The following LPA variants were observed in gnomAD, a reference collection of about 807,000 sequenced individuals.
LPA encodes the protein apolipoprotein(a).
In LPA, 199 loss-of-function variants were observed where a neutral mutation model predicts 197.9. That is an observed-to-expected ratio of 1.01 (90% confidence interval 0.90 to 1.13). The LOEUF is 1.13. Among genes scored for constraint, LPA ranks in the 50% most tolerant of loss-of-function variants. The pLI is 0.00. For synonymous variants in LPA, 715 were observed against 639.5 expected, an observed-to-expected ratio of 1.12 and a Z score of -1.78; for missense variants, 1,853 against 1,785.8, an observed-to-expected ratio of 1.04 and a Z score of -0.68.
At chr6:160,545,636 G>GGAGC (rs1778057049) in intron 32 of LPA, 103 bp from the exon 33 acceptor site, 7 of 770,932 alleles carry the variant, frequency 9.1e-6, no homozygotes, top group Non-Finnish European at 9.4e-6. Flanking sequence ...AAGACAAAAG[G>GGAGC]GAGCGTTCCT....
intron 30 of LPA, among the ~76,000 whole-genome samples, chr6:160,551,923 T>TTC (rs1778172912): frequency 6.6e-6 from 1 of 151,506 alleles, no homozygotes; most frequent in African/African-American, 2.4e-5. Flanking sequence ...CTTTTTTTTT[T>TTC]TTTTTTTTGA....
rs564413529 is a variant in LPA, at chr6:160,652,852, G to GA, written c.50-2356dup. Among the ~76,000 whole-genome samples the GA allele has an allele frequency of 8.6e-4, 130 of 151,910 alleles. 1 individual carries two copies. Among genetic ancestry groups the GA allele is most frequent in the Non-Finnish European group, 1.2e-3 (80 of 67,890 alleles). On this transcript the variant is annotated intron_variant, in intron 1 of 38. Transcript: ENST00000316300. ...ATTCTGTCATTTGAAGGTGGAATGTGAAAAAATCAAAGTATATATTATAAA... is the reference window on the plus strand; with the variant it reads ...ATTCTGTCATTTGAAGGTGGAATGTGAAAAAAATCAAAGTATATATTATAAA...
Position 160,589,691 on chromosome 6 carries a change from G to C in LPA, c.3809C>G (p.Thr1270Arg), listed in dbSNP as rs1220471720. 1 of 1,613,884 alleles carries C rather than the reference G, an allele frequency of 6.2e-7. No individual in the cohort carries two copies. Among genetic ancestry groups the C allele is most frequent in the South Asian group, 1.1e-5 (1 of 91,082 alleles). ...ATCACCATGGTAGCAGTCCTGGACT[G>C]TGGGGCTTTGCTCCGTTGGTGCTGA... Reference protein sequence around the residue: ...SEQAPTEQSPTVQDCYHGDGQ... With the variant: ...SEQAPTEQSPRVQDCYHGDGQ... Residue 1270 changes from threonine (T) to arginine (R), a missense_variant, in exon 24 of 39, where the codon ACA (threonine) becomes AGA (arginine). By Grantham distance (71) the Thr-to-Arg change is moderately conservative. This residue lies in a region of LPA where 1,737 missense variants were observed against 1,504.4 expected (regional missense o/e 1.15). Transcript: ENST00000316300.
intron 28 of LPA, among the ~76,000 whole-genome samples, chr6:160,566,140 A>C (rs527851436): frequency 6.6e-6 from 1 of 152,308 alleles, no homozygotes; most frequent in South Asian, 2.1e-4. Flanking sequence ...TCCCCAACCT[A>C]CAAAGGCAGG....
chr6:160,598,246 G>A (rs993958060), intron 20 of LPA, among the ~76,000 whole-genome samples: 1 of 152,096 alleles, frequency 6.6e-6, no homozygotes, highest in Non-Finnish European at 1.5e-5. Flanking sequence ...AATCTTCTAT[G>A]CAAGTGCTGC....
intron 37 of LPA, among the ~76,000 whole-genome samples, chr6:160,535,803 A>G (rs912114602): frequency 2.6e-5 from 4 of 152,050 alleles, no homozygotes; most frequent in African/African-American, 9.7e-5. Flanking sequence ...GCTAAAAGAG[A>G]TTAAATAACT....
chr6:160,661,709 A>T (rs1021098948), intron 1 of LPA, among the ~76,000 whole-genome samples: 2 of 152,184 alleles, frequency 1.3e-5, no homozygotes, highest in African/African-American at 4.8e-5. Context: ...CACTTGATAG[A>T]TATATCAAAA....
Position 160,606,549 on chromosome 6 carries a change from C to A in LPA, c.2713G>T (p.Asp905Tyr), listed in dbSNP as rs1447254080. 1 of 1,613,814 alleles carries A rather than the reference C, an allele frequency of 6.2e-7. No individual in the cohort carries two copies. Among genetic ancestry groups the A allele is most frequent in the South Asian group, 1.1e-5 (1 of 91,064 alleles). ...GGCGCGACGGCAGTCCCTTCTGCGT[C>A]TGAGCATTGTGTCAGGTTGCAGTAC... ...WEYCNLTQCS[D>Y]AEGTAVAPPT... Residue 905 changes from aspartate to tyrosine, a missense_variant, in exon 17 of 39, where the codon GAC becomes TAC. Asp to Tyr is a radical substitution (Grantham distance 160). This residue lies in a region of LPA where 1,737 missense variants were observed against 1,504.4 expected (regional missense o/e 1.15). Coordinates refer to ENST00000316300, the MANE Select transcript of LPA (RefSeq NM_005577.4).
chr6:160,663,795 C>A (rs998875883), intron 1 of LPA, among the ~76,000 whole-genome samples: 1 of 152,212 alleles, frequency 6.6e-6, no homozygotes, highest in Non-Finnish European at 1.5e-5. Flanking sequence ...GTGAGGGGAG[C>A]ATGGCACCTG....
At chr6:160,604,658 A>G (rs1031493979) in intron 18 of LPA, among the ~76,000 whole-genome samples, 8 of 152,300 alleles carry the variant, frequency 5.3e-5, no homozygotes, top group African/African-American at 1.9e-4. Context: ...CTTGTAAGCC[A>G]AAACAGAAAA....
chr6:160,601,080 G>A lies in LPA; in HGVS notation c.2964C>T (p.Tyr988=). 6.2e-7 allele frequency: 1 copy of A among 1,614,092 alleles called. No homozygotes were observed. The highest frequency in any genetic ancestry group is 8.5e-7 in the Non-Finnish European group (1 of 1,179,972). Residue 988 remains tyrosine, a synonymous_variant, in exon 19 of 39, where the codon TAC becomes TAT. Transcript: ENST00000316300. ...CTGCCACAGGATCTGGATTTCGGCA[G>A]TAGTTCTTGATCAAGCCACTGGAAA... is the stretch of plus-strand genomic sequence containing the variant. The part of the protein sequence containing the change: ...YYPNAGLIKN[Y]CRNPDPVAAP...
In LPA at chr6:160,577,820, T is replaced by C. The variant is rs150864214; in HGVS notation, c.4472-525A>G. On this transcript the variant is annotated intron_variant, in intron 27 of 38. Transcript: ENST00000316300. ...AGGAGGGTTAGAGACAAACAACTTATTCCCTTGGAGGAGAGATAGGGAATC... is the reference window on the plus strand; with the variant it reads ...AGGAGGGTTAGAGACAAACAACTTACTCCCTTGGAGGAGAGATAGGGAATC... Among the ~76,000 whole-genome samples, 16 of 152,342 alleles carry C rather than the reference T, an allele frequency of 1.1e-4. No homozygotes were observed. The East Asian group carries it at 2.7e-3, about 26-fold the overall frequency.
At chr6:160,571,710 T>C (rs41264302) in intron 28 of LPA, among the ~76,000 whole-genome samples, 1,982 of 152,280 alleles carry the variant, frequency 0.013, 44 homozygotes, top group African/African-American at 0.045. Context: ...CCAGTATTTG[T>C]GGATACCCCT....
chr6:160,578,665 C>T lies in LPA; in HGVS notation c.4329G>A (p.Glu1443=), dbSNP rs1778733099. ...TRNYCRNPDA[E]IRPWCYTMDP... ...CCATGGTGTAACACCAAGGGCGAAT[C>T]TCAGCATCTGGATTCCTGCAGTAGT... The change falls in exon 27 of 39, where the codon GAG becomes GAA. Residue 1443 remains glutamate (E), a synonymous_variant. Transcript: ENST00000316300. 3 of 1,613,962 alleles carry T rather than the reference C, an allele frequency of 1.9e-6. No individual in the cohort carries two copies. Among genetic ancestry groups the T allele is most frequent in the African/African-American group, 1.3e-5 (1 of 75,056 alleles).
intron 16 of LPA, among the ~76,000 whole-genome samples, chr6:160,611,032 C>T (rs1228733879): frequency 1.3e-5 from 2 of 152,124 alleles, no homozygotes; most frequent in South Asian, 4.1e-4. Context: ...TTCCTTGGAT[C>T]TTCTCTTGCT....
intron 20 of LPA, among the ~76,000 whole-genome samples, chr6:160,598,403 G>A (rs1779172710): frequency 6.6e-6 from 1 of 152,160 alleles, no homozygotes; most frequent in South Asian, 2.1e-4. Context: ...CAGCAACATG[G>A]CTACAGTCAG....
At chr6:160,573,596 G>A (rs747475309) in intron 28 of LPA, among the ~76,000 whole-genome samples, 2 of 152,154 alleles carry the variant, frequency 1.3e-5, no homozygotes, top group Non-Finnish European at 2.9e-5. Context: ...TTGTTCAGAT[G>A]TTTTTATCCC....
At chr6:160,558,968 T>C (rs887156181) in intron 28 of LPA, among the ~76,000 whole-genome samples, 3 of 152,222 alleles carry the variant, frequency 2.0e-5, no homozygotes, top group Non-Finnish European at 2.9e-5. Context: ...TCCAAGCAAC[T>C]GGATGTGCTA....
intron 23 of LPA, 98 bp downstream of exon 23, chr6:160,590,846 T>A (rs1011832345): frequency 1.3e-6 from 2 of 1,506,108 alleles, no homozygotes; most frequent in Non-Finnish European, 9.2e-7. Flanking sequence ...CACATTCAGA[T>A]TCCCGTGCAG....
Sources: gnomAD v4.1 joint callset for allele counts (sites outside exome capture counted in the v4.1 genomes callset) on GRCh38, gnomAD v4.1.1 for gene constraint, gnomAD v4.1.1 regional missense constraint, MANE v1.5 for transcripts, NCBI Gene and HGNC (gene_info 2026-07-23, HGNC 2026-07-21) for gene names.